The following CCDC192 variants were observed in gnomAD, a reference collection of about 807,000 sequenced individuals.
CCDC192 encodes the protein coiled-coil domain-containing protein 192.
chr5:127,934,668 G>T (rs1239743180), intron 6 of CCDC192, among the ~76,000 whole-genome samples: 1 of 152,120 alleles, frequency 6.6e-6, no homozygotes, highest in Admixed American at 6.5e-5. Context: ...AAAAATAAGT[G>T]AATCATTTAT....
chr5:127,936,854 C>G (rs1385529305), intron 6 of CCDC192, among the ~76,000 whole-genome samples: 1 of 152,126 alleles, frequency 6.6e-6, no homozygotes, highest in East Asian at 1.9e-4. Flanking sequence ...TGAGGGACCA[C>G]AGGTGTGTGA....
chr5:127,721,273 G>T (rs1752007123), intron 2 of CCDC192, among the ~76,000 whole-genome samples: 1 of 152,144 alleles, frequency 6.6e-6, no homozygotes, highest in Non-Finnish European at 1.5e-5. Flanking sequence ...TGAATGCTTT[G>T]CTGCTTAGAA....
intron 5 of CCDC192, among the ~76,000 whole-genome samples, chr5:127,854,024 T>G (rs1433844804): frequency 6.6e-6 from 1 of 152,194 alleles, no homozygotes; most frequent in Non-Finnish European, 1.5e-5. Context: ...ATTTAAATCT[T>G]TATTGCATTT....
At chr5:127,723,383 A>G (rs1435706708) in intron 2 of CCDC192, among the ~76,000 whole-genome samples, 2 of 152,224 alleles carry the variant, frequency 1.3e-5, no homozygotes, top group African/African-American at 2.4e-5. Context: ...TTTTCCAAAC[A>G]TAAGATCATA....
intron 3 of CCDC192, among the ~76,000 whole-genome samples, chr5:127,756,860 G>A (rs895256525): frequency 6.6e-6 from 1 of 152,208 alleles, no homozygotes; most frequent in African/African-American, 2.4e-5. Context: ...GCAAGATAGA[G>A]TTGGTTAGGT....
At chr5:127,715,663 T>C (rs548766386) in intron 2 of CCDC192, among the ~76,000 whole-genome samples, 3 of 152,346 alleles carry the variant, frequency 2.0e-5, no homozygotes, top group African/African-American at 7.2e-5. Context: ...ATCTGTAAAT[T>C]TCTTTGGATA....
chr5:127,707,728 G>T lies in CCDC192; in HGVS notation c.82G>T (p.Glu28Ter). The change falls in exon 2 of 7, where the codon GAG becomes TAG. Residue 28 changes from glutamate to a stop codon, truncating the protein, a stop_gained. Transcript: ENST00000514853. LOFTEE classifies it high-confidence loss of function. ...TTTCAGCATGACGTCTGGAAGTTCA[G>T]AGTCAGATATACCACAAGAAAACAA... The part of the protein sequence containing the change: ...ERSSMTSGSS[E>*]SDIPQENKVS... The T allele has an allele frequency of 2.5e-6, 1 of 398,560 alleles. No homozygotes were observed. 24.7% of individuals were successfully genotyped at this position (398,560 alleles called of 1,614,324 possible).
At chr5:127,895,213 C>G (rs1219059675) in intron 6 of CCDC192, among the ~76,000 whole-genome samples, 1 of 152,138 alleles carries the variant, frequency 6.6e-6, no homozygotes, top group East Asian at 1.9e-4. Flanking sequence ...TAGAGCTGAA[C>G]AGTGGCCACC....
chr5:127,845,532 A>C (rs551246508), intron 5 of CCDC192, among the ~76,000 whole-genome samples: 4 of 152,356 alleles, frequency 2.6e-5, no homozygotes, highest in African/African-American at 9.6e-5. Flanking sequence ...CTTAGTGAAC[A>C]AATAAGACAA....
intron 2 of CCDC192, among the ~76,000 whole-genome samples, chr5:127,710,701 G>C (rs989815377): frequency 1.3e-5 from 2 of 152,134 alleles, no homozygotes; most frequent in African/African-American, 4.8e-5. Flanking sequence ...GCCCATGAGG[G>C]TGGTGTCTGG....
rs1491296651 is a variant in CCDC192, at chr5:127,846,820, A to AAAAC, written c.412-28715_412-28714insCAAA. Reference sequence around the variant, plus strand: ...TTTCCATTCACCTAGTCAATAAAGCAAAAAAAAAAAAAAAAAAAAAAAAAA... The same window carrying AAAAC: ...TTTCCATTCACCTAGTCAATAAAGCAAAACAAAAAAAAAAAAAAAAAAAAAAAAA... On this transcript the variant is annotated intron_variant, in intron 5 of 6. Transcript: ENST00000514853. Among the ~76,000 whole-genome samples the AAAAC allele has an allele frequency of 3.2e-4, 6 of 18,646 alleles. No homozygotes were observed. In the East Asian group the frequency reaches 0.046, roughly 144 times the overall value. The allele number at this position is 18,646 out of a possible 152,430, so 12.2% of individuals were successfully genotyped here.
intron 3 of CCDC192, among the ~76,000 whole-genome samples, chr5:127,760,281 A>G (rs1367693651): frequency 6.9e-6 from 1 of 145,818 alleles, no homozygotes; most frequent in Non-Finnish European, 1.5e-5. Flanking sequence ...TTTTTTTTAC[A>G]TCATTAACTA....
intron 5 of CCDC192, among the ~76,000 whole-genome samples, chr5:127,823,295 C>G (rs536144466): frequency 6.6e-6 from 1 of 152,312 alleles, no homozygotes; most frequent in South Asian, 2.1e-4. Flanking sequence ...TTACAACTCG[C>G]CTCTTTCCTC....
At chr5:127,725,911 G>T (rs376867592) in intron 2 of CCDC192, among the ~76,000 whole-genome samples, 1 of 152,042 alleles carries the variant, frequency 6.6e-6, no homozygotes, top group Non-Finnish European at 1.5e-5. Flanking sequence ...AAAATTGAAA[G>T]ATTATTATTA....
intron 3 of CCDC192, among the ~76,000 whole-genome samples, chr5:127,765,520 T>C (rs1755171719): frequency 6.6e-6 from 1 of 152,184 alleles, no homozygotes; most frequent in African/African-American, 2.4e-5. Context: ...ACAAAAACTT[T>C]TTAAAGTCCC....
rs376887457 is a variant in CCDC192, at chr5:127,886,226, C to T, written c.535+10565C>T. Reference sequence around the variant, plus strand: ...TCTGGGCACACCAATAGAGCATCTGCTCCATAAAGATGGTCAAGACATGTT... The same window carrying T: ...TCTGGGCACACCAATAGAGCATCTGTTCCATAAAGATGGTCAAGACATGTT... On this transcript the variant is annotated intron_variant, in intron 6 of 6. Transcript: ENST00000514853. Among the ~76,000 whole-genome samples, 233 of 152,322 alleles carry T rather than the reference C, an allele frequency of 1.5e-3. 2 individuals are homozygous for T. Among genetic ancestry groups the T allele is most frequent in the African/African-American group, 5.3e-3 (221 of 41,570 alleles).
intron 3 of CCDC192, among the ~76,000 whole-genome samples, chr5:127,761,690 G>A (rs968572131): frequency 2.6e-5 from 4 of 152,086 alleles, no homozygotes; most frequent in Admixed American, 6.5e-5. Flanking sequence ...TCAAAGAAAC[G>A]GGAGGATTTT....
intron 6 of CCDC192, among the ~76,000 whole-genome samples, chr5:127,881,116 A>T (rs1752335548): frequency 1.3e-5 from 2 of 152,212 alleles, no homozygotes; most frequent in Admixed American, 6.5e-5. Context: ...ATAAATCTCC[A>T]GTGGTATAAT....
At chr5:127,735,198 T>C (rs1206329890) in intron 2 of CCDC192, among the ~76,000 whole-genome samples, 2 of 118,378 alleles carry the variant, frequency 1.7e-5, no homozygotes, top group African/African-American at 3.5e-5. Flanking sequence ...CTTTCCCCAT[T>C]GCTTGTTTTT....
Sources: gnomAD v4.1 joint callset for allele counts (sites outside exome capture counted in the v4.1 genomes callset) on GRCh38, gnomAD v4.1.1 for gene constraint, MANE v1.5 for transcripts, NCBI Gene and HGNC (gene_info 2026-07-23, HGNC 2026-07-21) for gene names.